PEX14: variants seen among roughly 807,000 people sequenced by gnomAD.
PEX14 encodes the protein peroxisomal biogenesis factor 14, also known as peroxisomal membrane protein PEX14.
PEX14 carries 15 observed loss-of-function variants against 49.5 expected under a neutral mutation model. The ratio of observed to expected loss-of-function variants is 0.30; its 90% CI spans 0.20 to 0.47. The LOEUF (loss-of-function observed/expected upper bound fraction) is 0.47. Among genes scored for constraint, PEX14 ranks in the 20% least tolerant of loss-of-function variants. PEX14 has a pLI of 1.00. For synonymous variants in PEX14, 210 were observed against 212.7 expected (o/e 0.99, Z 0.11); for missense variants, 398 against 494.8 (o/e 0.80, Z 1.86).
intron 2 of PEX14, among the ~76,000 whole-genome samples, chr1:10,523,506 A>G (rs1638366739): frequency 1.3e-5 from 2 of 152,086 alleles, no homozygotes; most frequent in Admixed American, 1.3e-4. Context: ...GAAATTATAA[A>G]ATGGCACAGG....
chr1:10,487,012 A>T (rs1641381139), intron 1 of PEX14, among the ~76,000 whole-genome samples: 2 of 152,142 alleles, frequency 1.3e-5, no homozygotes, highest in South Asian at 4.1e-4. Context: ...TAAAAAAAAA[A>T]AATTATTTTT....
chr1:10,618,453 C>CT lies in PEX14; in HGVS notation c.384+37dup, dbSNP rs760450209. ...CCCAGCGGCTGCAGGTGCTGTGCCC[C>CT]TGCCACCCTGTGGCATTCAGCACCC... is the stretch of plus-strand genomic sequence containing the variant. On this transcript the variant is annotated intron_variant, in intron 5 of 8. Transcript: ENST00000356607. The CT allele has an allele frequency of 2.7e-6, 4 of 1,498,958 alleles. No individual in the cohort carries two copies. In the South Asian group the frequency reaches 4.5e-5, roughly 17 times the overall value. The allele number at this position is 1,498,958 out of a possible 1,614,324, so 92.9% of individuals were successfully genotyped here. A position where few individuals can be genotyped will look rare whatever the true frequency, so the allele number is the denominator to read the frequency against.
chr1:10,555,116 GA>G (rs946435080), intron 3 of PEX14, among the ~76,000 whole-genome samples: 1 of 151,954 alleles, frequency 6.6e-6, no homozygotes, highest in African/African-American at 2.4e-5. Context: ...CCACCTGCAG[GA>G]CTGACCCTAC....
At position 10,529,572 on chromosome 1, in the gene PEX14, G is replaced by GA. The variant is rs1478437611; in HGVS notation, c.85-6633dup. Among the ~76,000 whole-genome samples the GA allele has an allele frequency of 6.6e-6, 1 of 151,962 alleles. No homozygotes were observed. The highest frequency in any genetic ancestry group is 2.4e-5 in the African/African-American group (1 of 41,378). ...GCAATATTTTTAACTAAGGCCAAGGGAAAAAAAATAAATGGCAGAGATATT... is the reference window on the plus strand; with the variant it reads ...GCAATATTTTTAACTAAGGCCAAGGGAAAAAAAAATAAATGGCAGAGATATT... On this transcript the variant is annotated intron_variant, in intron 2 of 8. Coordinates refer to ENST00000356607, the MANE Select transcript of PEX14 (RefSeq NM_004565.3). This position sits in a 1 kb window ranked among gnomAD's most constrained non-coding sequence, Gnocchi z 4.2.
chr1:10,510,421 C>T (rs1403828136), intron 2 of PEX14, among the ~76,000 whole-genome samples: 4 of 152,124 alleles, frequency 2.6e-5, no homozygotes, highest in Admixed American at 2.0e-4. Flanking sequence ...TTGTGGGCAC[C>T]ATATTAAGCC....
chr1:10,528,318 T>C, intron 2 of PEX14: 4 of 982,964 alleles, frequency 4.1e-6, no homozygotes, highest in Non-Finnish European at 4.8e-6. Context: ...AAGTGGAAGC[T>C]GAAGCAGGGT....
rs1491388775 is a variant in PEX14, at chr1:10,537,344, C to CCCT, written c.169+1049_169+1050insTCC. Among the ~76,000 whole-genome samples, 36 of 64,318 alleles carry CCCT rather than the reference C, an allele frequency of 5.6e-4. 10 individuals are homozygous for CCCT. Among genetic ancestry groups the CCCT allele is most frequent in the Admixed American group, 2.1e-3 (18 of 8,542 alleles). The allele number at this position is 64,318 out of a possible 152,430, so 42.2% of individuals were successfully genotyped here. A position where few individuals can be genotyped will look rare whatever the true frequency, so the allele number is the denominator to read the frequency against. On this transcript the variant is annotated intron_variant, in intron 3 of 8. Coordinates refer to ENST00000356607, the MANE Select transcript of PEX14 (RefSeq NM_004565.3). ...TCACTGGCTGCATTGTGCCAGCACC[C>CCCT]CCCCCCCCCGCCATCATTAGGAGAT... is the stretch of plus-strand genomic sequence containing the variant.
Position 10,627,287 on chromosome 1 carries a change from A to C in PEX14, c.601A>C (p.Asn201His). ...CTGCTTTCAGGCCACCACATCCACC[A>C]ACTGGATCCTGGAGTCCCAGAATAT... ...LAAAKATTST[N>H]WILESQNINE... The change falls in exon 8 of 9, where the codon AAC becomes CAC. Residue 201 changes from asparagine to histidine, a missense_variant. This residue lies in a region of PEX14 where 202 missense variants were observed against 298.5 expected (regional missense o/e 0.68). Coordinates refer to ENST00000356607, the MANE Select transcript of PEX14 (RefSeq NM_004565.3). 6.2e-7 allele frequency: 1 copy of C among 1,613,432 alleles called. No homozygotes were observed. The highest frequency in any genetic ancestry group is 8.5e-7 in the Non-Finnish European group (1 of 1,179,516).
chr1:10,533,861 G>C (rs565612986), intron 2 of PEX14, among the ~76,000 whole-genome samples: 10 of 152,292 alleles, frequency 6.6e-5, no homozygotes, highest in African/African-American at 2.4e-4. Flanking sequence ...AATAAGAGAT[G>C]CATTTTTTTA....
chr1:10,593,684 G>C (rs1361292950), intron 3 of PEX14, among the ~76,000 whole-genome samples: 1 of 151,934 alleles, frequency 6.6e-6, no homozygotes, highest in Non-Finnish European at 1.5e-5. Flanking sequence ...TAGACAGGTT[G>C]GGGGGCTGGG....
chr1:10,532,708 G>A (rs1638684010), intron 2 of PEX14, among the ~76,000 whole-genome samples: 2 of 152,026 alleles, frequency 1.3e-5, no homozygotes, highest in Non-Finnish European at 2.9e-5. Context: ...ATTTAGTTGG[G>A]CACAAATATA....
chr1:10,536,390 C>T (rs1638804361), intron 3 of PEX14, 93 bp downstream of exon 3: 1 of 830,122 alleles, frequency 1.2e-6, no homozygotes, highest in Non-Finnish European at 2.1e-6. Flanking sequence ...GCTGAGCTGC[C>T]AGGACTTCCT....
intron 1 of PEX14, among the ~76,000 whole-genome samples, chr1:10,491,067 CTA>C (rs761104073): frequency 2.2e-4 from 33 of 149,072 alleles, no homozygotes; most frequent in Non-Finnish European, 4.0e-4. Context: ...TGAGGTTTTG[CTA>C]TGTTGGCCAG....
chr1:10,556,474 G>GCACTGGGGA (rs1388143635), intron 3 of PEX14, among the ~76,000 whole-genome samples: 3 of 152,126 alleles, frequency 2.0e-5, no homozygotes, highest in South Asian at 2.1e-4. Flanking sequence ...CTAATAAGGA[G>GCACTGGGGA]CACTGGGGAC....
intron 3 of PEX14, 44 bp from the exon 4 acceptor site, chr1:10,599,194 C>CT: frequency 6.2e-7 from 1 of 1,607,634 alleles, no homozygotes; most frequent in Non-Finnish European, 8.5e-7. Flanking sequence ...GCTATGGACA[C>CT]TGACAAAAGG....
chr1:10,548,745 CT>C (rs1372388770), intron 3 of PEX14, among the ~76,000 whole-genome samples: 1 of 152,200 alleles, frequency 6.6e-6, no homozygotes, highest in African/African-American at 2.4e-5. Flanking sequence ...GTAAAGGTAA[CT>C]CACTAATGGT....
intron 1 of PEX14, among the ~76,000 whole-genome samples, chr1:10,489,383 G>C (rs61776046): frequency 7.4e-4 from 112 of 152,254 alleles, no homozygotes; most frequent in African/African-American, 2.6e-3. Flanking sequence ...TTTTTCTTCT[G>C]TGCAGTTTTT....
Position 10,623,306 on chromosome 1 carries a change from T to C in PEX14, c.487+185T>C. On this transcript the variant is annotated intron_variant, in intron 6 of 8. Transcript: ENST00000356607. This position sits in a 1 kb window ranked among gnomAD's most constrained non-coding sequence, Gnocchi z 4.4. ...GTTTAATTTGAAATTGCTTGTTTAC[T>C]GTCGGCGCGGCCTCAATTAATTATG... 1.6e-6 allele frequency: 1 copy of C among 607,194 alleles called. No homozygotes were observed. Among genetic ancestry groups the C allele is most frequent in the Non-Finnish European group, 3.0e-6 (1 of 329,998 alleles). 37.6% of individuals were successfully genotyped at this position (607,194 alleles called of 1,614,324 possible).
chr1:10,519,010 G>T (rs929085015), intron 2 of PEX14, among the ~76,000 whole-genome samples: 1 of 152,120 alleles, frequency 6.6e-6, no homozygotes, highest in Non-Finnish European at 1.5e-5. Context: ...CCCCACTTCT[G>T]TCAAAAGGAG....
Sources: gnomAD v4.1 joint callset for allele counts (sites outside exome capture counted in the v4.1 genomes callset) on GRCh38, gnomAD v4.1.1 for gene constraint, gnomAD v4.1.1 regional missense constraint, Gnocchi (gnomAD v3.1) non-coding constraint, MANE v1.5 for transcripts, NCBI Gene and HGNC (gene_info 2026-07-23, HGNC 2026-07-21) for gene names.